The following PCDHGA9 variants were observed in gnomAD, a reference collection of about 807,000 sequenced individuals.
PCDHGA9 encodes the protein protocadherin gamma-A9.
Under a neutral mutation model 62.5 loss-of-function variants are expected in PCDHGA9, and 37 were observed. That is an observed-to-expected ratio of 0.59 (90% CI 0.46 to 0.78). The LOEUF (loss-of-function observed/expected upper bound fraction) is 0.78. PCDHGA9 is among the 30% of genes least tolerant of loss of function. The pLI, the probability that PCDHGA9 is intolerant of heterozygous loss-of-function variation, is 0.00. For missense variants in PCDHGA9, 1,138 were observed against 1,166.2 expected (o/e 0.98, Z 0.35); for synonymous variants, 459 against 484.6 (o/e 0.95, Z 0.69).
chr5:141,430,404 A>C (rs1054341813), intron 1 of PCDHGA9, among the ~76,000 whole-genome samples: 1 of 152,000 alleles, frequency 6.6e-6, no homozygotes, highest in African/African-American at 2.4e-5. Context: ...AAAGCTCACT[A>C]AAGTTTCTAT....
At chr5:141,433,202 T>C (rs1433315739) in intron 1 of PCDHGA9, 2 of 1,578,202 alleles carry the variant, frequency 1.3e-6, no homozygotes, top group Non-Finnish European at 1.7e-6. Context: ...ATATCAAATC[T>C]TCTTTCTTTT....
intron 1 of PCDHGA9, chr5:141,409,356 A>G: frequency 6.2e-7 from 1 of 1,614,004 alleles, no homozygotes; most frequent in Non-Finnish European, 8.5e-7. Context: ...GTCAGGTGTA[A>G]TATAGAAACA....
Position 141,477,032 on chromosome 5 carries a change from A to G in PCDHGA9, c.2425-17775A>G, listed in dbSNP as rs1026169829. 2 of 1,614,134 alleles carry G rather than the reference A, an allele frequency of 1.2e-6. No homozygotes were observed. Among genetic ancestry groups the G allele is most frequent in the Non-Finnish European group, 1.7e-6 (2 of 1,180,044 alleles). ...AGACCTTGTAACCGGGATGCTGACA[A>G]TCAAGGGTCGGCTGGACTTCGAGGA... On this transcript the variant is annotated intron_variant, in intron 1 of 3. Transcript: ENST00000573521. This position sits in a 1 kb window ranked among gnomAD's most constrained non-coding sequence, Gnocchi z 4.9.
At position 141,489,425 on chromosome 5, in the gene PCDHGA9, G is replaced by C. The variant is rs779739693; in HGVS notation, c.2425-5382G>C. On this transcript the variant is annotated intron_variant, in intron 1 of 3. Transcript: ENST00000573521. This position sits in a 1 kb window ranked among gnomAD's most constrained non-coding sequence, Gnocchi z 4.5. ...TTAAAGATGACAGATCTGTTGAGCC[G>C]GCGGCTGCAATTGGGCTCTGAGGAG... The C allele has an allele frequency of 4.3e-6, 7 of 1,614,118 alleles. No individual in the cohort carries two copies. The highest frequency in any genetic ancestry group is 1.1e-5 in the South Asian group (1 of 91,070).
chr5:141,430,666 G>A (rs2097301396), intron 1 of PCDHGA9: 1 of 1,222,518 alleles, frequency 8.2e-7, no homozygotes, highest in Admixed American at 2.7e-5. Flanking sequence ...GAGGAGCTCT[G>A]ACTTCCCAAC....
chr5:141,409,613 A>G lies in PCDHGA9; in HGVS notation c.2424+4237A>G, dbSNP rs370495173. On this transcript the variant is annotated intron_variant, in intron 1 of 3. Coordinates refer to ENST00000573521, the MANE Select transcript of PCDHGA9 (RefSeq NM_018921.3). Reference sequence around the variant, plus strand: ...CGAGAACAACCCGCCAGGAGCCTCCATTGCGCAAGTGAGCGCCTCTGACCC... The same window carrying G: ...CGAGAACAACCCGCCAGGAGCCTCCGTTGCGCAAGTGAGCGCCTCTGACCC... The G allele has an allele frequency of 8.4e-5, 136 of 1,613,856 alleles. No individual in the cohort carries two copies. Among genetic ancestry groups the G allele is most frequent in the Middle Eastern group, 8.2e-4 (5 of 6,062 alleles).
intron 1 of PCDHGA9, chr5:141,412,660 T>C (rs1337663720): frequency 6.6e-6 from 1 of 152,262 alleles, no homozygotes; most frequent in African/African-American, 2.4e-5. Flanking sequence ...ACCTAGACAC[T>C]AATATGACCT....
intron 1 of PCDHGA9, among the ~76,000 whole-genome samples, chr5:141,473,195 C>G (rs1053769499): frequency 6.6e-6 from 1 of 152,104 alleles, no homozygotes; most frequent in Non-Finnish European, 1.5e-5. Flanking sequence ...GTAAATGTAT[C>G]TTCTAAAAAA....
At chr5:141,439,737 A>T (rs947754447) in intron 1 of PCDHGA9, 4 of 152,382 alleles carry the variant, frequency 2.6e-5, no homozygotes, top group Non-Finnish European at 5.9e-5. Flanking sequence ...CAGGAACGGA[A>T]CGGATTTACA....
Position 141,477,919 on chromosome 5 carries a change from G to A in PCDHGA9, c.2425-16888G>A. 2.5e-6 allele frequency: 4 copies of A among 1,614,162 alleles called. No individual in the cohort carries two copies. The highest frequency in any genetic ancestry group is 8.5e-7 in the Non-Finnish European group (1 of 1,180,026). The stretch of plus-strand genomic sequence containing the variant: ...TGGTAGGCTGGGACGCGGATGCAGG[G>A]CACAATGCCTGGCTCTCCTACAGTC... On this transcript the variant is annotated intron_variant, in intron 1 of 3. Transcript: ENST00000573521. The surrounding 1 kb of genome is among the most constrained non-coding windows in gnomAD (Gnocchi z 4.9).
chr5:141,416,062 T>G, intron 1 of PCDHGA9: 1 of 176,822 alleles, frequency 5.7e-6, no homozygotes, highest in Non-Finnish European at 1.2e-5. Flanking sequence ...AATCCAAGAA[T>G]ACTCAATGCA....
intron 1 of PCDHGA9, among the ~76,000 whole-genome samples, chr5:141,466,063 A>G (rs554503713): frequency 3.3e-5 from 5 of 152,268 alleles, no homozygotes; most frequent in Admixed American, 6.5e-5. Context: ...CGGAGCTTGC[A>G]GTGAGCTGAT....
intron 1 of PCDHGA9, chr5:141,427,894 C>T (rs974220302): frequency 1.3e-6 from 2 of 1,568,222 alleles, no homozygotes; most frequent in East Asian, 2.2e-5. Flanking sequence ...GACCAGGGCT[C>T]GCCCGCGCTC....
Position 141,402,978 on chromosome 5 carries a change from T to C in PCDHGA9, c.26T>C (p.Leu9Pro), listed in dbSNP as rs746626227. The change falls in exon 1 of 4, where the codon CTC becomes CCC. Residue 9 changes from leucine (L) to proline (P), a missense_variant. Physicochemically the swap from Leu to Pro is moderately conservative, Grantham distance 98. Coordinates refer to ENST00000573521, the MANE Select transcript of PCDHGA9 (RefSeq NM_018921.3). MAAPTKCQ[L>P]RGRLVLLCSL... ...ATGGCAGCTCCAACCAAATGCCAGCTCCGCGGAAGATTAGTCCTGCTATGC... is the reference window on the plus strand; with the variant it reads ...ATGGCAGCTCCAACCAAATGCCAGCCCCGCGGAAGATTAGTCCTGCTATGC... 2.5e-6 allele frequency: 4 copies of C among 1,608,452 alleles called. No homozygotes were observed. The highest frequency in any genetic ancestry group is 3.4e-6 in the Non-Finnish European group (4 of 1,177,220).
chr5:141,427,023 G>A, intron 1 of PCDHGA9: 1 of 456,968 alleles, frequency 2.2e-6, no homozygotes, highest in Non-Finnish European at 4.4e-6. Flanking sequence ...TGTATACAAA[G>A]TCAGCCTTAG....
At chr5:141,471,901 G>C (rs1224804131) in intron 1 of PCDHGA9, among the ~76,000 whole-genome samples, 1 of 152,146 alleles carries the variant, frequency 6.6e-6, no homozygotes, top group Non-Finnish European at 1.5e-5. Context: ...ATTGACTACA[G>C]ACAAGCATGA....
At chr5:141,433,854 A>T (rs2097660850) in intron 1 of PCDHGA9, among the ~76,000 whole-genome samples, 1 of 151,852 alleles carries the variant, frequency 6.6e-6, no homozygotes, top group African/African-American at 2.4e-5. Context: ...AAAAAAAAAA[A>T]ACTTTATCCT....
At chr5:141,427,115 C>G (rs1276437779) in intron 1 of PCDHGA9, 5 of 457,520 alleles carry the variant, frequency 1.1e-5, no homozygotes, top group African/African-American at 1.0e-4. Flanking sequence ...AGATCACCTA[C>G]TCTTTCAAAT....
In PCDHGA9 at chr5:141,476,065, G is replaced by T; in HGVS notation, c.2425-18742G>T. ...GCTAACCCGCTGAAAGTTTCTCAGC[G>T]AAATCTCAGGGACGATCTGGACCCC... is the stretch of plus-strand genomic sequence containing the variant. On this transcript the variant is annotated intron_variant, in intron 1 of 3. Coordinates refer to ENST00000573521, the MANE Select transcript of PCDHGA9 (RefSeq NM_018921.3). This position sits in a 1 kb window ranked among gnomAD's most constrained non-coding sequence, Gnocchi z 7.6. 6.6e-7 allele frequency: 1 copy of T among 1,511,444 alleles called. No homozygotes were observed. The highest frequency in any genetic ancestry group is 1.3e-5 in the South Asian group (1 of 76,164). The allele number at this position is 1,511,444 out of a possible 1,614,324, so 93.6% of individuals were successfully genotyped here.
Sources: allele counts gnomAD v4.1 joint callset (sites outside exome capture counted in the v4.1 genomes callset), GRCh38; gene constraint gnomAD v4.1.1; non-coding constraint Gnocchi (gnomAD v3.1); transcripts MANE v1.5; gene names NCBI Gene and HGNC (gene_info 2026-07-23, HGNC 2026-07-21).